Variants in ASPH observed in about 807,000 individuals in gnomAD.
The protein encoded by ASPH is aspartyl/asparaginyl beta-hydroxylase.
ASPH carries 100 observed loss-of-function variants against 118.4 expected under a neutral mutation model. The ratio of observed to expected loss-of-function variants is 0.84; its 90% CI spans 0.72 to 1.00. The LOEUF (loss-of-function observed/expected upper bound fraction) is 1.00. Ranked by LOEUF, ASPH falls within the 50% of genes least tolerant of loss-of-function variation. The pLI, the probability that ASPH is intolerant of heterozygous loss-of-function variation, is 0.00. For synonymous variants in ASPH, 315 were observed against 325.6 expected (o/e 0.97, Z 0.35); for missense variants, 920 against 919.5 (o/e 1.00, Z -0.01).
chr8:61,636,887 C>G (rs1464891234), intron 12 of ASPH, among the ~76,000 whole-genome samples: 2 of 152,066 alleles, frequency 1.3e-5, no homozygotes, highest in African/African-American at 4.8e-5. Context: ...CTCAATTCAG[C>G]CTTGCCACAC....
intron 12 of ASPH, 103 bp from the exon 13 acceptor site, chr8:61,633,830 T>C (rs1856639415): frequency 2.6e-6 from 2 of 776,412 alleles, no homozygotes; most frequent in African/African-American, 1.8e-5. Context: ...ATAGATTTTT[T>C]AAACAATTCA....
intron 16 of ASPH, among the ~76,000 whole-genome samples, chr8:61,572,937 T>G (rs945702433): frequency 6.6e-6 from 1 of 152,228 alleles, no homozygotes; most frequent in Admixed American, 6.5e-5. Flanking sequence ...TGTTTGCAGA[T>G]GACATGATTG....
intron 24 of ASPH, among the ~76,000 whole-genome samples, chr8:61,511,964 G>T (rs575033514): frequency 6.6e-6 from 1 of 152,218 alleles, no homozygotes; most frequent in Admixed American, 6.5e-5. Flanking sequence ...TGAACAGAAG[G>T]CCCAGAAAGG....
intron 13 of ASPH, chr8:61,624,216 C>A (rs1851936652): frequency 1.0e-6 from 1 of 983,918 alleles, no homozygotes; most frequent in Admixed American, 6.2e-5. Context: ...TATATACTCA[C>A]AAAAATTAAA....
chr8:61,706,570 T>C (rs891048603), intron 1 of ASPH, among the ~76,000 whole-genome samples: 1 of 152,132 alleles, frequency 6.6e-6, no homozygotes, highest in Non-Finnish European at 1.5e-5. Context: ...ATTATAAACA[T>C]CTGTATTTGT....
At chr8:61,503,618 C>A in intron 24 of ASPH, 109 bp from the exon 25 acceptor site, 1 of 1,057,482 alleles carries the variant, frequency 9.5e-7, no homozygotes. Context: ...ACCTTTGGGA[C>A]ATAACCAAAT....
chr8:61,714,351 GGC>G lies in ASPH; in HGVS notation c.19_20del (p.Ala7GlnfsTer15). 1 of 1,518,462 alleles carries G rather than the reference GGC, an allele frequency of 6.6e-7. No individual in the cohort carries two copies. 94.1% of individuals were successfully genotyped at this position (1,518,462 alleles called of 1,614,324 possible). On this transcript the variant is annotated frameshift_variant, in exon 1 of 25. Transcript: ENST00000379454. LOFTEE classifies it high-confidence loss of function. MAQRKNAKSSGNSSSSG... is the reference protein window; with the variant it reads MAQRKNXKSSGNSSSSG... ...TGCTGCTGCTGTTGCCGCTGCTCTT[GGC>G]ATTCTTACGCTGGGCCATTGCACGG...
At chr8:61,602,423 A>G (rs1301175243) in intron 14 of ASPH, among the ~76,000 whole-genome samples, 1 of 151,476 alleles carries the variant, frequency 6.6e-6, no homozygotes, top group Non-Finnish European at 1.5e-5. Flanking sequence ...AAAAACTTTA[A>G]GCAGTGTAGA....
At chr8:61,532,604 A>G (rs1328476988) in intron 21 of ASPH, among the ~76,000 whole-genome samples, 1 of 152,168 alleles carries the variant, frequency 6.6e-6, no homozygotes, top group African/African-American at 2.4e-5. Context: ...ATTATTGCCA[A>G]GAGGAATGTC....
At chr8:61,670,286 A>G (rs1821783230) in intron 3 of ASPH, among the ~76,000 whole-genome samples, 1 of 152,026 alleles carries the variant, frequency 6.6e-6, no homozygotes, top group African/African-American at 2.4e-5. Context: ...ATTTTTTAAA[A>G]AAGGAAATGT....
chr8:61,539,699 GGTGTGTGTGTGTGTGTGTGT>G (rs10522481), intron 21 of ASPH, among the ~76,000 whole-genome samples: 1 of 124,210 alleles, frequency 8.1e-6, no homozygotes, highest in Non-Finnish European at 1.7e-5. Flanking sequence ...ACACTTCTGG[GGTGTGTGTGTGTGTGTGTGT>G]GTGTGTGTGT....
At chr8:61,601,250 T>G (rs1377153496) in intron 14 of ASPH, among the ~76,000 whole-genome samples, 1 of 151,286 alleles carries the variant, frequency 6.6e-6, no homozygotes, top group Non-Finnish European at 1.5e-5. Context: ...TTGACCTAAA[T>G]GACTTTTCTA....
intron 21 of ASPH, among the ~76,000 whole-genome samples, chr8:61,533,910 G>T (rs1818494877): frequency 6.6e-6 from 1 of 152,140 alleles, no homozygotes; most frequent in East Asian, 1.9e-4. Flanking sequence ...GGTGGGGGGT[G>T]CTATTAAATG....
intron 15 of ASPH, chr8:61,578,104 G>T (rs1020444138): frequency 9.1e-7 from 1 of 1,098,412 alleles, no homozygotes; most frequent in Non-Finnish European, 1.3e-6. Flanking sequence ...GGGGGTACAG[G>T]TATTGGATAA....
rs1838921567 is a variant in ASPH at position 61,714,521 on chromosome 8, T to C, written c.-150A>G. On this transcript the variant is annotated 5_prime_UTR_variant, in exon 1 of 25. Transcript: ENST00000379454. ...GCAGACCCTGTGCCTCAGCACCGCC[T>C]GCAGCACCTGGGAAGACTTCACCCG... The C allele has an allele frequency of 8.5e-6, 10 of 1,174,848 alleles. No individual in the cohort carries two copies. Among genetic ancestry groups the C allele is most frequent in the Admixed American group, 4.2e-5 (1 of 23,774 alleles). The allele number at this position is 1,174,848 out of a possible 1,614,324, so 72.8% of individuals were successfully genotyped here.
chr8:61,596,552 T>A (rs1563957501), intron 14 of ASPH, among the ~76,000 whole-genome samples: 1 of 152,214 alleles, frequency 6.6e-6, no homozygotes, highest in Non-Finnish European at 1.5e-5. Context: ...CCACCTGGCA[T>A]CCCAGTCCCC....
At position 61,526,043 on chromosome 8, in the gene ASPH, A is replaced by C; in HGVS notation, c.1834T>G (p.Phe612Val). 1 of 1,614,042 alleles carries C rather than the reference A, an allele frequency of 6.2e-7. No homozygotes were observed. The highest frequency in any genetic ancestry group is 1.1e-5 in the South Asian group (1 of 91,078). ...LAVMDKAKGL[F>V]LPEDENLREK... ...CTCAGGTTTTCATCCTCAGGCAGGA[A>C]GAGACCTTTGGCTTTATCCATCACT... Residue 612 changes from phenylalanine to valine, a missense_variant, in exon 22 of 25, where the codon TTC becomes GTC. Transcript: ENST00000379454.
At chr8:61,575,518 T>A (rs1235954803) in intron 16 of ASPH, among the ~76,000 whole-genome samples, 1 of 152,170 alleles carries the variant, frequency 6.6e-6, no homozygotes, top group African/African-American at 2.4e-5. Flanking sequence ...ACTCTGTAAG[T>A]GCTAGGGCTT....
At chr8:61,552,555 C>T (rs1225475765) in intron 20 of ASPH, among the ~76,000 whole-genome samples, 1 of 152,106 alleles carries the variant, frequency 6.6e-6, no homozygotes, top group African/African-American at 2.4e-5. Context: ...CTGATAAAGA[C>T]TTCATTCTAA....
Sources: allele counts gnomAD v4.1 joint callset (sites outside exome capture counted in the v4.1 genomes callset), GRCh38; gene constraint gnomAD v4.1.1; transcripts MANE v1.5; gene names NCBI Gene and HGNC (gene_info 2026-07-23, HGNC 2026-07-21).